FKBP14: variants seen among roughly 807,000 people sequenced by gnomAD.
FKBP14 encodes the protein FKBP prolyl isomerase 14.
FKBP14 carries 20 observed loss-of-function variants against 21.6 expected under a neutral mutation model. The observed-to-expected ratio is 0.92, with a 90% CI of 0.65 to 1.34. FKBP14 has a LOEUF of 1.34. Among genes scored for constraint, FKBP14 ranks in the 40% most tolerant of loss-of-function variants. The pLI, the probability that FKBP14 is intolerant of heterozygous loss-of-function variation, is 0.00. For missense variants in FKBP14, 253 were observed against 249.0 expected (o/e 1.02, Z -0.11); for synonymous variants, 79 against 86.7 (o/e 0.91, Z 0.49).
At position 30,022,727 on chromosome 7, in the gene FKBP14, C is replaced by T; in HGVS notation, c.287G>A (p.Cys96Tyr). ...GATGAGCTTTCTCTTCTCTCCTACA[C>T]ACATTCCTTTCAAGCCCTGGTCCCA... ...KGWDQGLKGM[C>Y]VGEKRKLIIP... The change falls in exon 2 of 4, where the codon TGT becomes TAT. Residue 96 changes from cysteine to tyrosine, a missense_variant. Coordinates refer to ENST00000222803, the MANE Select transcript of FKBP14 (RefSeq NM_017946.4). The T allele has an allele frequency of 6.2e-7, 1 of 1,614,168 alleles. No homozygotes were observed. Among genetic ancestry groups the T allele is most frequent in the Non-Finnish European group, 8.5e-7 (1 of 1,180,012 alleles).
chr7:30,008,898 G>C (rs1351931563), downstream of FKBP14, among the ~76,000 whole-genome samples: 1 of 151,620 alleles, frequency 6.6e-6, no homozygotes, highest in Non-Finnish European at 1.5e-5. Flanking sequence ...CCAGGAGGCA[G>C]AGCTTGCAGT....
At chr7:30,015,919 C>T (rs1789873372) in intron 3 of FKBP14, among the ~76,000 whole-genome samples, 1 of 150,828 alleles carries the variant, frequency 6.6e-6, no homozygotes. Flanking sequence ...GCCACCGCGC[C>T]CGGCCTTTTA....
chr7:30,020,853 A>T (rs937532070), intron 2 of FKBP14, among the ~76,000 whole-genome samples: 3 of 152,222 alleles, frequency 2.0e-5, no homozygotes, highest in African/African-American at 7.2e-5. Flanking sequence ...TTTCTTCTCT[A>T]AAGAGGATTA....
intron 3 of FKBP14, among the ~76,000 whole-genome samples, chr7:30,017,716 TTAAA>T (rs1213025139): frequency 1.3e-5 from 2 of 152,018 alleles, no homozygotes; most frequent in Non-Finnish European, 2.9e-5. Context: ...GCTAAGACTT[TTAAA>T]TAAATATCTT....
At chr7:30,018,836 C>T (rs1034971761) in intron 3 of FKBP14, among the ~76,000 whole-genome samples, 160 bp downstream of exon 3, 1 of 152,150 alleles carries the variant, frequency 6.6e-6, no homozygotes. Context: ...TTCAAAGCAT[C>T]AGTATTTTAA....
At chr7:30,006,068 C>T (rs1789607831), downstream of FKBP14, among the ~76,000 whole-genome samples, 3 of 150,524 alleles carry the variant, frequency 2.0e-5, no homozygotes, top group African/African-American at 4.9e-5. Context: ...GACATACACA[C>T]ACCATATGTA....
intron 3 of FKBP14, among the ~76,000 whole-genome samples, chr7:30,015,571 T>A (rs1443805710): frequency 6.6e-6 from 1 of 151,626 alleles, no homozygotes; most frequent in Non-Finnish European, 1.5e-5. Context: ...GCATACTACT[T>A]GTTCTTAATC....
intron 3 of FKBP14, among the ~76,000 whole-genome samples, chr7:30,016,456 C>A (rs185845610): frequency 2.0e-5 from 3 of 151,854 alleles, no homozygotes; most frequent in Admixed American, 6.6e-5. Context: ...TATAGTGGCA[C>A]GATCTCGGCC....
At chr7:30,022,152 C>T (rs1276794387) in intron 2 of FKBP14, among the ~76,000 whole-genome samples, 1 of 152,200 alleles carries the variant, frequency 6.6e-6, no homozygotes, top group Non-Finnish European at 1.5e-5. Context: ...ATATAACCCA[C>T]ATCTAAAATG....
Position 30,014,712 on chromosome 7 carries a change from A to G in FKBP14, c.*23T>C. 14 of 1,487,374 alleles carry G rather than the reference A, an allele frequency of 9.4e-6. No homozygotes were observed. The highest frequency in any genetic ancestry group is 1.3e-5 in the Non-Finnish European group (14 of 1,113,216). The allele number at this position is 1,487,374 out of a possible 1,614,324, so 92.1% of individuals were successfully genotyped here. On this transcript the variant is annotated 3_prime_UTR_variant, in exon 4 of 4. Coordinates refer to ENST00000222803, the MANE Select transcript of FKBP14 (RefSeq NM_017946.4). ...TGCCCTCTCTTGAAAGATGAGTGCT[A>G]TATTAAAAGGGTAGATGTATCTCTA... is the stretch of plus-strand genomic sequence containing the variant.
chr7:30,015,033 T>C (rs182603431), intron 3 of FKBP14, 140 bp from the exon 4 acceptor site: 85 of 461,294 alleles, frequency 1.8e-4, no homozygotes, highest in African/African-American at 1.5e-3. Context: ...TTTTATGACA[T>C]AGTTTTAATG....
chr7:30,026,233 G>A, intron 1 of FKBP14, 79 bp downstream of exon 1: 4 of 1,367,836 alleles, frequency 2.9e-6, no homozygotes, highest in Non-Finnish European at 4.0e-6. Flanking sequence ...CCAGGTACAG[G>A]CCACCTTTCC....
chr7:30,020,110 A>T (rs1383628969), intron 2 of FKBP14: 2 of 462,908 alleles, frequency 4.3e-6, no homozygotes, highest in African/African-American at 4.3e-5. Flanking sequence ...CTGTGTAAAC[A>T]TGTTAAATAT....
At chr7:30,006,611 G>C (rs1016089954), downstream of FKBP14, among the ~76,000 whole-genome samples, 2 of 152,122 alleles carry the variant, frequency 1.3e-5, no homozygotes, top group African/African-American at 4.8e-5. Flanking sequence ...ACTTTTTGCT[G>C]TAAGAATTCA....
chr7:30,008,819 C>CA (rs1207563014), downstream of FKBP14, among the ~76,000 whole-genome samples: 8 of 151,580 alleles, frequency 5.3e-5, no homozygotes, highest in Non-Finnish European at 8.8e-5. Flanking sequence ...ACTAAAAATA[C>CA]AAAAAAATTA....
In FKBP14 at chr7:30,014,715, T is replaced by C. The variant is rs370188386; in HGVS notation, c.*20A>G. 6 of 1,500,002 alleles carry C rather than the reference T, an allele frequency of 4.0e-6. No homozygotes were observed. Among genetic ancestry groups the C allele is most frequent in the Non-Finnish European group, 5.3e-6 (6 of 1,123,020 alleles). 92.9% of individuals were successfully genotyped at this position (1,500,002 alleles called of 1,614,324 possible). A position where few individuals can be genotyped will look rare whatever the true frequency, so the allele number is the denominator to read the frequency against. On this transcript the variant is annotated 3_prime_UTR_variant, in exon 4 of 4. Coordinates refer to ENST00000222803, the MANE Select transcript of FKBP14 (RefSeq NM_017946.4). The stretch of plus-strand genomic sequence containing the variant: ...CCTCTCTTGAAAGATGAGTGCTATA[T>C]TAAAAGGGTAGATGTATCTCTATAA...
chr7:30,007,363 C>T (rs1789636466), downstream of FKBP14, among the ~76,000 whole-genome samples: 1 of 152,038 alleles, frequency 6.6e-6, no homozygotes, highest in African/African-American at 2.4e-5. Context: ...GCATGCACCA[C>T]CACACCCAGC....
intron 3 of FKBP14, 147 bp from the exon 4 acceptor site, chr7:30,015,040 AATG>A (rs1489753036): frequency 2.2e-6 from 1 of 455,520 alleles, no homozygotes. Context: ...ACATAGTTTT[AATG>A]ATAATTAAAA....
In FKBP14 at chr7:30,026,588, G is replaced by A; in HGVS notation, c.-80C>T. 1.5e-6 allele frequency: 2 copies of A among 1,366,836 alleles called. No individual in the cohort carries two copies. The highest frequency in any genetic ancestry group is 2.0e-6 in the Non-Finnish European group (2 of 1,006,936). 84.7% of individuals were successfully genotyped at this position (1,366,836 alleles called of 1,614,324 possible). ...TCATAGATTTAAGAACGTAGTTCAAGGCTTACGGACAAGGGCTTCAGACAA... is the reference window on the plus strand; with the variant it reads ...TCATAGATTTAAGAACGTAGTTCAAAGCTTACGGACAAGGGCTTCAGACAA... On this transcript the variant is annotated 5_prime_UTR_variant, in exon 1 of 4. Coordinates refer to ENST00000222803, the MANE Select transcript of FKBP14 (RefSeq NM_017946.4).
Sources: allele counts gnomAD v4.1 joint callset (sites outside exome capture counted in the v4.1 genomes callset), GRCh38; gene constraint gnomAD v4.1.1; transcripts MANE v1.5; gene names NCBI Gene and HGNC (gene_info 2026-07-23, HGNC 2026-07-21).